The following COL19A1 variants were observed in gnomAD, a reference collection of about 807,000 sequenced individuals.
COL19A1 encodes collagen alpha-1(XIX) chain.
In COL19A1, 159 loss-of-function variants were observed where a neutral mutation model predicts 190.2. That is an observed-to-expected ratio of 0.84 (90% CI 0.73 to 0.95). COL19A1 has a LOEUF of 0.95. Ranked by LOEUF, COL19A1 falls within the 40% of genes least tolerant of loss-of-function variation. The probability of loss-of-function intolerance (pLI) is 0.00; values close to 1 mark genes in which losing one functional copy is unlikely to be tolerated. For missense variants in COL19A1, 1,418 were observed against 1,431.9 expected, an observed-to-expected ratio of 0.99 and a Z score of 0.16; for synonymous variants, 509 against 458.9, an observed-to-expected ratio of 1.11 and a Z score of -1.39.
At chr6:70,058,278 C>T (rs1780623411) in intron 14 of COL19A1, among the ~76,000 whole-genome samples, 1 of 151,986 alleles carries the variant, frequency 6.6e-6, no homozygotes, top group African/African-American at 2.4e-5. Flanking sequence ...GATTCCAGGT[C>T]TCCATATGAA....
intron 14 of COL19A1, among the ~76,000 whole-genome samples, chr6:70,065,771 A>G (rs1781152026): frequency 6.6e-6 from 1 of 152,202 alleles, no homozygotes; most frequent in South Asian, 2.1e-4. Flanking sequence ...AGAAAAAAAC[A>G]AACAACCCCA....
chr6:69,998,462 G>GA (rs1777054097), intron 11 of COL19A1, among the ~76,000 whole-genome samples: 1 of 151,720 alleles, frequency 6.6e-6, no homozygotes, highest in Admixed American at 6.6e-5. Context: ...CTGACCAATG[G>GA]TGAAACCCCA....
At chr6:70,055,752 A>T (rs964911560) in intron 14 of COL19A1, among the ~76,000 whole-genome samples, 3 of 148,096 alleles carry the variant, frequency 2.0e-5, no homozygotes, top group African/African-American at 7.5e-5. Flanking sequence ...ACTGCACTCC[A>T]GCCTGGGAGA....
intron 9 of COL19A1, among the ~76,000 whole-genome samples, chr6:69,959,368 TAC>T (rs745432258): frequency 2.6e-5 from 4 of 150,998 alleles, no homozygotes; most frequent in Admixed American, 6.6e-5. Flanking sequence ...TATATAAGAA[TAC>T]ACACACACAC....
intron 15 of COL19A1, among the ~76,000 whole-genome samples, chr6:70,100,456 A>G (rs1307286713): frequency 2.6e-5 from 4 of 152,180 alleles, no homozygotes; most frequent in African/African-American, 9.6e-5. Context: ...ATCCTCCAAA[A>G]GAACTGCATG....
intron 4 of COL19A1, among the ~76,000 whole-genome samples, chr6:69,925,711 T>C (rs539789893): frequency 2.6e-5 from 4 of 152,312 alleles, no homozygotes; most frequent in African/African-American, 9.6e-5. Flanking sequence ...GTTCTTCCTA[T>C]CCATGGGCAT....
intron 48 of COL19A1, among the ~76,000 whole-genome samples, chr6:70,194,789 T>C (rs1234575541): frequency 6.6e-6 from 1 of 152,154 alleles, no homozygotes; most frequent in Non-Finnish European, 1.5e-5. Flanking sequence ...TACTAACATC[T>C]GGCTCTCTAA....
At chr6:69,978,342 C>A (rs976451079) in intron 11 of COL19A1, among the ~76,000 whole-genome samples, 1 of 151,836 alleles carries the variant, frequency 6.6e-6, no homozygotes, top group Non-Finnish European at 1.5e-5. Flanking sequence ...ATTTTTTATA[C>A]GTTCATGGAA....
intron 11 of COL19A1, among the ~76,000 whole-genome samples, chr6:69,994,977 C>A (rs1047448718): frequency 6.6e-6 from 1 of 152,178 alleles, no homozygotes; most frequent in Non-Finnish European, 1.5e-5. Context: ...TATCTCTCTA[C>A]CCAGGACTTT....
chr6:69,943,768 T>G (rs2150027538), intron 9 of COL19A1, among the ~76,000 whole-genome samples: 1 of 152,322 alleles, frequency 6.6e-6, no homozygotes, highest in South Asian at 2.1e-4. Flanking sequence ...TGACTGTTGA[T>G]GACAATCTAA....
intron 49 of COL19A1, among the ~76,000 whole-genome samples, chr6:70,206,185 G>C (rs1341704409): frequency 6.6e-6 from 1 of 152,160 alleles, no homozygotes; most frequent in Non-Finnish European, 1.5e-5. Context: ...TTTTAAGCAA[G>C]ACTCTTTCCA....
At chr6:69,873,385 GC>G (rs1767949316) in intron 1 of COL19A1, among the ~76,000 whole-genome samples, 1 of 152,272 alleles carries the variant, frequency 6.6e-6, no homozygotes, top group East Asian at 1.9e-4. Context: ...CTGTTTGCAG[GC>G]ATTATGGACA....
At chr6:70,206,049 G>A (rs980264932) in intron 49 of COL19A1, among the ~76,000 whole-genome samples, 4 of 152,130 alleles carry the variant, frequency 2.6e-5, no homozygotes, top group Non-Finnish European at 5.9e-5. Context: ...TGACTTTTTA[G>A]ATGAGTTAAC....
In COL19A1 at chr6:70,156,719, A is replaced by T. The variant is rs1787463972; in HGVS notation, c.2288A>T (p.Asp763Val). 6.2e-7 allele frequency: 1 copy of T among 1,609,124 alleles called. No homozygotes were observed. Among genetic ancestry groups the T allele is most frequent in the Non-Finnish European group, 8.5e-7 (1 of 1,176,826 alleles). Residue 763 changes from aspartate to valine, a missense_variant, in exon 34 of 51, where the codon GAT (aspartate) becomes GTT (valine). Asp to Val is a radical substitution (Grantham distance 152, BLOSUM62 -3). Transcript: ENST00000620364. Reference protein sequence around the residue: ...GYPGIPGEKGDEGLQGIPGIP... With the variant: ...GYPGIPGEKGVEGLQGIPGIP... ...CCTGGGATACCTGGGGAGAAAGGCGATGAGGTAACAGATTCTTTTCTGATT... is the reference window on the plus strand; with the variant it reads ...CCTGGGATACCTGGGGAGAAAGGCGTTGAGGTAACAGATTCTTTTCTGATT...
intron 14 of COL19A1, among the ~76,000 whole-genome samples, chr6:70,052,077 C>T (rs1345998562): frequency 2.6e-5 from 4 of 152,044 alleles, no homozygotes; most frequent in Non-Finnish European, 4.4e-5. Context: ...AATTCAGGAA[C>T]ATCAACAAAG....
intron 11 of COL19A1, among the ~76,000 whole-genome samples, chr6:70,010,891 T>C (rs1777974656): frequency 9.7e-6 from 1 of 103,456 alleles, no homozygotes; most frequent in African/African-American, 5.5e-5. Flanking sequence ...CTCTGTAGGC[T>C]CCACCTCTGG....
intron 25 of COL19A1, among the ~76,000 whole-genome samples, chr6:70,146,111 T>C (rs1786628282): frequency 6.6e-6 from 1 of 152,208 alleles, no homozygotes; most frequent in African/African-American, 2.4e-5. Context: ...TTTTGGAAGA[T>C]TCCTAGGTCC....
At position 70,097,213 on chromosome 6, in the gene COL19A1, T is replaced by TA. The variant is rs527298714; in HGVS notation, c.1225-4948dup. On this transcript the variant is annotated intron_variant, in intron 15 of 50. Transcript: ENST00000620364. ...GCAAGTCATCCTGGAAGCATCAAGT[T>TA]AAAAAAAAGAGCTTTTTAAAGCTAT... 3.0e-3 allele frequency among the ~76,000 whole-genome samples: 454 copies of TA among 151,890 alleles called. 2 individuals are homozygous for TA. Among genetic ancestry groups the TA allele is most frequent in the Middle Eastern group, 0.01 (3 of 294 alleles).
chr6:70,042,797 A>G (rs983911662), intron 14 of COL19A1, among the ~76,000 whole-genome samples: 1 of 152,198 alleles, frequency 6.6e-6, no homozygotes, highest in Non-Finnish European at 1.5e-5. Context: ...CATTTCAACA[A>G]TGTTTGCAGC....
Sources: allele counts gnomAD v4.1 joint callset (sites outside exome capture counted in the v4.1 genomes callset), GRCh38; gene constraint gnomAD v4.1.1; transcripts MANE v1.5; gene names NCBI Gene and HGNC (gene_info 2026-07-23, HGNC 2026-07-21).